Variants in DNAH8 observed in about 807,000 individuals in gnomAD.
DNAH8 encodes the protein dynein axonemal heavy chain 8.
DNAH8 carries 382 observed loss-of-function variants against 562.1 expected under a neutral mutation model. That is an observed-to-expected ratio of 0.68 (90% CI 0.63 to 0.74). DNAH8 has a LOEUF of 0.74. Among genes scored for constraint, DNAH8 ranks in the 30% least tolerant of loss-of-function variants. The pLI is 0.00. For synonymous variants in DNAH8, 1,881 were observed against 1,919.4 expected (o/e 0.98, Z 0.52); for missense variants, 5,203 against 5,620.4 (o/e 0.93, Z 2.37).
At chr6:38,978,066 T>C (rs1275696852) in intron 85 of DNAH8, among the ~76,000 whole-genome samples, 1 of 152,248 alleles carries the variant, frequency 6.6e-6, no homozygotes, top group Non-Finnish European at 1.5e-5. Flanking sequence ...GGAGTTTTTC[T>C]CCCCATCACC....
At chr6:38,935,785 G>A (rs1436348246) in intron 77 of DNAH8, 88 bp downstream of exon 77, 5 of 942,968 alleles carry the variant, frequency 5.3e-6, no homozygotes, top group Non-Finnish European at 7.8e-6. Context: ...GACTATAGAT[G>A]TTAGGAAATA....
chr6:38,979,377 CA>C (rs1021227618), intron 85 of DNAH8, among the ~76,000 whole-genome samples: 3 of 152,088 alleles, frequency 2.0e-5, no homozygotes, highest in African/African-American at 7.2e-5. Flanking sequence ...CCCATGGTTT[CA>C]AAAATGTTAA....
chr6:38,945,387 G>T, intron 79 of DNAH8, 80 bp from the exon 80 acceptor site: 5 of 1,452,252 alleles, frequency 3.4e-6, no homozygotes, highest in South Asian at 1.3e-5. Flanking sequence ...TGGCTATTTT[G>T]CTTTTATTAT....
Position 38,883,366 on chromosome 6 carries a change from G to A in DNAH8, c.8046G>A (p.Met2682Ile), listed in dbSNP as rs145365277. 399 of 1,613,144 alleles carry A rather than the reference G, an allele frequency of 2.5e-4. No homozygotes were observed. The highest frequency in any genetic ancestry group is 3.3e-4 in the Non-Finnish European group (390 of 1,179,506). ...TGEQGTAKTVMVKAYLKKYDP... is the reference protein window; with the variant it reads ...TGEQGTAKTVIVKAYLKKYDP... Reference sequence around the variant, plus strand: ...AGCAGGGAACTGCAAAAACTGTCATGGTTAAGGCCTATTTGAAAAAATATG... The same window carrying A: ...AGCAGGGAACTGCAAAAACTGTCATAGTTAAGGCCTATTTGAAAAAATATG... Residue 2682 changes from methionine (M) to isoleucine (I), a missense_variant, in exon 55 of 93, where the codon ATG becomes ATA. By Grantham distance (10) the Met-to-Ile change is conservative (BLOSUM62 1). Coordinates refer to ENST00000327475, the MANE Select transcript of DNAH8 (RefSeq NM_001206927.2).
At chr6:38,776,686 C>G (rs1207903929) in intron 13 of DNAH8, among the ~76,000 whole-genome samples, 1 of 152,170 alleles carries the variant, frequency 6.6e-6, no homozygotes, top group East Asian at 1.9e-4. Context: ...CTCTCTGCAG[C>G]TATAGAGGGC....
chr6:38,878,331 G>T (rs9394547), intron 53 of DNAH8, among the ~76,000 whole-genome samples: 65,931 of 151,964 alleles, frequency 0.43, 15,228 homozygotes, highest in East Asian at 0.84. Flanking sequence ...AACAATTCTC[G>T]ATAGGGAGAC....
chr6:38,762,393 A>G (rs1167783445), intron 11 of DNAH8, among the ~76,000 whole-genome samples: 1 of 152,228 alleles, frequency 6.6e-6, no homozygotes, highest in African/African-American at 2.4e-5. Context: ...TTCTAAAATT[A>G]AACTGTCCTA....
chr6:38,779,547 G>T (rs1768385643), intron 14 of DNAH8, among the ~76,000 whole-genome samples: 1 of 152,124 alleles, frequency 6.6e-6, no homozygotes, highest in Non-Finnish European at 1.5e-5. Context: ...TGGTTAAATG[G>T]TTATATGGAA....
At position 38,853,168 on chromosome 6, in the gene DNAH8, C is replaced by T. The variant is rs780828995; in HGVS notation, c.5572-18C>T. ...CAAATTATTATCAATTTATAATATCCTTGTAATTTTGTTTTAGTTGGATAA... is the reference window on the plus strand; with the variant it reads ...CAAATTATTATCAATTTATAATATCTTTGTAATTTTGTTTTAGTTGGATAA... On this transcript the variant is annotated intron_variant, in intron 40 of 92. Transcript: ENST00000327475. 3 of 1,580,132 alleles carry T rather than the reference C, an allele frequency of 1.9e-6. No individual in the cohort carries two copies. The highest frequency in any genetic ancestry group is 1.9e-5 in the Admixed American group (1 of 52,488).
At chr6:38,908,310 T>C (rs1780633113) in intron 64 of DNAH8, among the ~76,000 whole-genome samples, 190 bp downstream of exon 64, 1 of 152,220 alleles carries the variant, frequency 6.6e-6, no homozygotes, top group Admixed American at 6.5e-5. Context: ...AATATTCATA[T>C]TATTAAAAAA....
At chr6:39,000,143 G>T (rs185655049) in intron 88 of DNAH8, among the ~76,000 whole-genome samples, 1 of 152,316 alleles carries the variant, frequency 6.6e-6, no homozygotes, top group Non-Finnish European at 1.5e-5. Flanking sequence ...CTTACTGTCT[G>T]GCTAACCTGG....
chr6:38,778,805 G>T (rs538595662), intron 14 of DNAH8, among the ~76,000 whole-genome samples: 1 of 152,228 alleles, frequency 6.6e-6, no homozygotes, highest in East Asian at 1.9e-4. Flanking sequence ...CATACTGAAA[G>T]AATTTCTGAA....
At chr6:38,997,630 C>T (rs2150744765) in intron 88 of DNAH8, among the ~76,000 whole-genome samples, 1 of 152,334 alleles carries the variant, frequency 6.6e-6, no homozygotes. Flanking sequence ...ATAACAGCTT[C>T]AGCCATGAGA....
chr6:38,953,955 T>A (rs1762085489), intron 82 of DNAH8, among the ~76,000 whole-genome samples: 1 of 152,090 alleles, frequency 6.6e-6, no homozygotes, highest in Non-Finnish European at 1.5e-5. Flanking sequence ...ACTTCAGTGA[T>A]CTCATTGGTC....
intron 54 of DNAH8, 47 bp downstream of exon 54, chr6:38,883,099 CCA>C: frequency 6.7e-7 from 1 of 1,488,442 alleles, no homozygotes; most frequent in Non-Finnish European, 9.0e-7. Context: ...CCATCCATGG[CCA>C]CGGGAATATG....
chr6:38,834,699 G>T, intron 32 of DNAH8, 58 bp downstream of exon 32: 1 of 1,342,126 alleles, frequency 7.5e-7, no homozygotes, highest in Non-Finnish European at 1.1e-6. Context: ...ATTATTTTGG[G>T]GAAAGATGGA....
chr6:38,912,870 C>T (rs562010972), intron 66 of DNAH8, among the ~76,000 whole-genome samples: 23 of 151,772 alleles, frequency 1.5e-4, no homozygotes, highest in African/African-American at 4.8e-4. Flanking sequence ...AGTGCAATGG[C>T]GTGATCTCTG....
chr6:38,755,958 T>G lies in DNAH8; in HGVS notation c.1408-14T>G, dbSNP rs1463381191. On this transcript the variant is annotated splice_polypyrimidine_tract_variant and intron_variant, in intron 9 of 92. Transcript: ENST00000327475. ...TGCATATGATGGAATTCACTTAATT[T>G]GTTTCAATGTTAGGTTTCCATGGCA... 7.7e-6 allele frequency: 11 copies of G among 1,424,982 alleles called. No individual in the cohort carries two copies. In the South Asian group the frequency reaches 1.0e-4, roughly 13 times the overall value. 88.3% of individuals were successfully genotyped at this position (1,424,982 alleles called of 1,614,324 possible).
At chr6:38,992,827 T>G (rs933019978) in intron 88 of DNAH8, among the ~76,000 whole-genome samples, 1 of 152,212 alleles carries the variant, frequency 6.6e-6, no homozygotes, top group Non-Finnish European at 1.5e-5. Context: ...ACAAACCATT[T>G]TTTCCTTGAC....
Sources: allele counts gnomAD v4.1 joint callset (sites outside exome capture counted in the v4.1 genomes callset), GRCh38; gene constraint gnomAD v4.1.1; transcripts MANE v1.5; gene names NCBI Gene and HGNC (gene_info 2026-07-23, HGNC 2026-07-21).